The following CAMSAP1 variants were observed in gnomAD, a reference collection of about 807,000 sequenced individuals.
The protein encoded by CAMSAP1 is calmodulin-regulated spectrin-associated protein 1.
CAMSAP1 carries 58 observed loss-of-function variants against 143.5 expected under a neutral mutation model. That is an observed-to-expected ratio of 0.40 (90% CI 0.33 to 0.50). The LOEUF is 0.50. Among genes scored for constraint, CAMSAP1 ranks in the 20% least tolerant of loss-of-function variants. The pLI is 0.45. For missense variants in CAMSAP1, 1,969 were observed against 2,115.7 expected, an observed-to-expected ratio of 0.93 and a Z score of 1.36; for synonymous variants, 945 against 859.3, an observed-to-expected ratio of 1.10 and a Z score of -1.74.
chr9:135,892,833 A>AGAATGAGATCCTGTT, intron 1 of CAMSAP1, among the ~76,000 whole-genome samples: 1 of 139,926 alleles, frequency 7.1e-6, no homozygotes, highest in Non-Finnish European at 1.5e-5. Context: ...CCTGGGCAAC[A>AGAATGAGATCCTGTT]GAGCAAGACT....
chr9:135,819,201 C>T (rs991013859), intron 11 of CAMSAP1, 55 bp from the exon 12 acceptor site: 7 of 1,544,298 alleles, frequency 4.5e-6, no homozygotes, highest in South Asian at 2.4e-5. Flanking sequence ...ACGCCGGACA[C>T]GGCCGCACTC....
intron 7 of CAMSAP1, among the ~76,000 whole-genome samples, chr9:135,845,442 T>C (rs1836517318): frequency 6.6e-6 from 1 of 152,164 alleles, no homozygotes; most frequent in African/African-American, 2.4e-5. Flanking sequence ...AAGTATTCCC[T>C]TTGAAAACCG....
intron 1 of CAMSAP1, among the ~76,000 whole-genome samples, chr9:135,894,988 A>G (rs961932273): frequency 2.6e-5 from 4 of 152,248 alleles, no homozygotes; most frequent in Non-Finnish European, 5.9e-5. Context: ...TGGGCTCAGC[A>G]ATAGTTGAGA....
At chr9:135,874,486 G>C (rs921078302) in intron 3 of CAMSAP1, among the ~76,000 whole-genome samples, 4 of 149,222 alleles carry the variant, frequency 2.7e-5, no homozygotes, top group African/African-American at 9.9e-5. Context: ...AAAGGGGGGG[G>C]GGGGCCACAG....
Position 135,810,895 on chromosome 9 carries a change from G to A in CAMSAP1, c.*414C>T, listed in dbSNP as rs1835023640. The A allele has an allele frequency of 5.0e-6, 1 of 199,926 alleles. No homozygotes were observed. The highest frequency in any genetic ancestry group is 2.3e-5 in the African/African-American group (1 of 43,192). 12.4% of individuals were successfully genotyped at this position (199,926 alleles called of 1,614,324 possible). On this transcript the variant is annotated 3_prime_UTR_variant, in exon 17 of 17. Coordinates refer to ENST00000389532, the MANE Select transcript of CAMSAP1 (RefSeq NM_015447.4). Reference sequence around the variant, plus strand: ...ACAGCTGGCCAATATGAGGGTGTCAGGCAATGTGCAAGGGGGCGAGGTGAG... The same window carrying A: ...ACAGCTGGCCAATATGAGGGTGTCAAGCAATGTGCAAGGGGGCGAGGTGAG...
At chr9:135,814,297 T>A (rs1343898822) in intron 16 of CAMSAP1, among the ~76,000 whole-genome samples, 1 of 152,224 alleles carries the variant, frequency 6.6e-6, no homozygotes. Flanking sequence ...CTAAACCAAC[T>A]AAGGACCAGG....
At chr9:135,849,484 C>A (rs1398904881) in intron 7 of CAMSAP1, among the ~76,000 whole-genome samples, 1 of 152,210 alleles carries the variant, frequency 6.6e-6, no homozygotes, top group East Asian at 1.9e-4. Context: ...TGGGGTCCCA[C>A]TCTCATCAAG....
chr9:135,821,221 T>A lies in CAMSAP1; in HGVS notation c.3440A>T (p.Asp1147Val). 1 of 1,608,218 alleles carries A rather than the reference T, an allele frequency of 6.2e-7. No individual in the cohort carries two copies. Among genetic ancestry groups the A allele is most frequent in the South Asian group, 1.1e-5 (1 of 91,086 alleles). Residue 1147 changes from aspartate to valine, a missense_variant, in exon 11 of 17, where the codon GAC becomes GTC. Physicochemically the swap from Asp to Val is radical, Grantham distance 152. Coordinates refer to ENST00000389532, the MANE Select transcript of CAMSAP1 (RefSeq NM_015447.4). This position sits in a 1 kb window ranked among gnomAD's most constrained non-coding sequence, Gnocchi z 4.6. The stretch of plus-strand genomic sequence containing the variant: ...CTCCAGGGCACTGTCCAGGCCAGGG[T>A]CCGTGGGCGTCCGAGGGTGGCTGCT... ...PASSHPRTPTDPGLDSALEPS... is the reference protein window; with the variant it reads ...PASSHPRTPTVPGLDSALEPS...
intron 3 of CAMSAP1, among the ~76,000 whole-genome samples, chr9:135,878,270 C>T (rs1186454011): frequency 6.6e-6 from 1 of 152,142 alleles, no homozygotes; most frequent in Admixed American, 6.5e-5. Context: ...GCTGGGGCAG[C>T]AACCATGCAG....
chr9:135,891,687 G>A (rs1182996062), intron 1 of CAMSAP1, among the ~76,000 whole-genome samples: 2 of 152,258 alleles, frequency 1.3e-5, no homozygotes, highest in South Asian at 2.1e-4. Context: ...CAAAGAACCA[G>A]GAAAATGTGA....
chr9:135,898,213 T>C (rs1290941577), intron 1 of CAMSAP1, among the ~76,000 whole-genome samples: 2 of 152,212 alleles, frequency 1.3e-5, no homozygotes, highest in East Asian at 1.9e-4. Flanking sequence ...GAATGATCTG[T>C]ACCTGGATTA....
chr9:135,818,924 T>A lies in CAMSAP1; in HGVS notation c.3959+86A>T. The stretch of plus-strand genomic sequence containing the variant: ...CACAGGCACTCATTGCCATGGTCCA[T>A]GCTCAGTGCCAGCAACGGGACCGGG... On this transcript the variant is annotated intron_variant, in intron 12 of 16. Coordinates refer to ENST00000389532, the MANE Select transcript of CAMSAP1 (RefSeq NM_015447.4). This position sits in a 1 kb window ranked among gnomAD's most constrained non-coding sequence, Gnocchi z 7.7. The A allele has an allele frequency of 1.3e-6, 2 of 1,538,676 alleles. No homozygotes were observed. The highest frequency in any genetic ancestry group is 1.7e-6 in the Non-Finnish European group (2 of 1,145,790).
chr9:135,842,939 G>C (rs926266302), intron 7 of CAMSAP1, among the ~76,000 whole-genome samples: 8 of 152,048 alleles, frequency 5.3e-5, no homozygotes, highest in Admixed American at 5.2e-4. Flanking sequence ...TCAACTAACG[G>C]GCAAAATAAG....
chr9:135,827,434 T>C lies in CAMSAP1; in HGVS notation c.1196A>G (p.Tyr399Cys), dbSNP rs1835713497. 4.4e-6 allele frequency: 7 copies of C among 1,587,656 alleles called. No homozygotes were observed. Among genetic ancestry groups the C allele is most frequent in the Non-Finnish European group, 6.0e-6 (7 of 1,160,546 alleles). ...GTATTCAGGTTCTTCCGGGTGCAGG[T>C]AGTGCCTGTGACAGCCTTCCGCCGG... ...QLPAEGCHRH[Y>C]LHPEEPEYLG... Residue 399 changes from tyrosine (Y) to cysteine (C), a missense_variant, in exon 8 of 17, where the codon TAC becomes TGC. Transcript: ENST00000389532.
chr9:135,855,747 T>TAAAA (rs1564442475), intron 5 of CAMSAP1, among the ~76,000 whole-genome samples: 1 of 107,334 alleles, frequency 9.3e-6, no homozygotes, highest in African/African-American at 4.1e-5. Context: ...TCATCTCAAT[T>TAAAA]TAAAAAAAAA....
intron 5 of CAMSAP1, among the ~76,000 whole-genome samples, chr9:135,861,969 T>C (rs915002086): frequency 1.3e-5 from 2 of 152,224 alleles, no homozygotes; most frequent in Non-Finnish European, 2.9e-5. Flanking sequence ...GTGGCAGTTG[T>C]TCATAAATGG....
intron 5 of CAMSAP1, among the ~76,000 whole-genome samples, chr9:135,856,586 T>C (rs1447297151): frequency 6.6e-6 from 1 of 152,146 alleles, no homozygotes; most frequent in East Asian, 1.9e-4. Flanking sequence ...CAGCCCACTG[T>C]CACAACAGAC....
In CAMSAP1 at chr9:135,824,952, T is replaced by G. The variant is rs1588448479; in HGVS notation, c.1224-72A>C. 8.6e-7 allele frequency: 1 copy of G among 1,169,522 alleles called. No homozygotes were observed. Among genetic ancestry groups the G allele is most frequent in the East Asian group, 2.6e-5 (1 of 38,626 alleles). The allele number at this position is 1,169,522 out of a possible 1,614,324, so 72.4% of individuals were successfully genotyped here. A position where few individuals can be genotyped will look rare whatever the true frequency, so the allele number is the denominator to read the frequency against. On this transcript the variant is annotated intron_variant, in intron 8 of 16. Transcript: ENST00000389532. This position sits in a 1 kb window ranked among gnomAD's most constrained non-coding sequence, Gnocchi z 4.1. ...TCAAGGTCAACAGCAAATGCACAAG[T>G]GTACAGGACCATCCTGAATTCACAC...
intron 1 of CAMSAP1, among the ~76,000 whole-genome samples, chr9:135,883,546 C>G (rs1423534249): frequency 6.6e-6 from 1 of 152,196 alleles, no homozygotes; most frequent in Non-Finnish European, 1.5e-5. Context: ...GGAGGGAGCC[C>G]AGCATCCTCT....
Sources: gnomAD v4.1 joint callset for allele counts (sites outside exome capture counted in the v4.1 genomes callset) on GRCh38, gnomAD v4.1.1 for gene constraint, Gnocchi (gnomAD v3.1) non-coding constraint, MANE v1.5 for transcripts, NCBI Gene and HGNC (gene_info 2026-07-23, HGNC 2026-07-21) for gene names.